The following KDM4C variants were observed in gnomAD, a reference collection of about 807,000 sequenced individuals.
KDM4C encodes lysine demethylase 4C, also known as lysine-specific demethylase 4C.
In KDM4C, 81 loss-of-function variants were observed where a neutral mutation model predicts 129.3. The observed-to-expected ratio is 0.63, with a 90% confidence interval of 0.52 to 0.75. The LOEUF (loss-of-function observed/expected upper bound fraction) is 0.75. KDM4C is among the 30% of genes least tolerant of loss of function. The pLI, the probability that KDM4C is intolerant of heterozygous loss-of-function variation, is 0.00. For synonymous variants in KDM4C, 573 were observed against 456.1 expected (o/e 1.26, Z -3.26); for missense variants, 1,457 against 1,304.0 (o/e 1.12, Z -1.81).
At chr9:6,722,043 A>G (rs1816971943) in intron 1 of KDM4C, among the ~76,000 whole-genome samples, 1 of 152,214 alleles carries the variant, frequency 6.6e-6, no homozygotes, top group Non-Finnish European at 1.5e-5. Context: ...TTTAAATCCA[A>G]TTAAAAATTA....
chr9:6,721,580 G>A (rs1341499353), intron 1 of KDM4C, among the ~76,000 whole-genome samples: 4 of 143,026 alleles, frequency 2.8e-5, no homozygotes, highest in Non-Finnish European at 6.0e-5. Flanking sequence ...CACCATGCCC[G>A]GCCCTCTTTT....
At chr9:6,789,578 C>T (rs1826147544) in intron 1 of KDM4C, among the ~76,000 whole-genome samples, 1 of 151,936 alleles carries the variant, frequency 6.6e-6, no homozygotes. Context: ...GTTGCCCAGG[C>T]TGGTCTCCAA....
At chr9:6,727,272 G>C (rs1817162783) in intron 1 of KDM4C, 1 of 151,582 alleles carries the variant, frequency 6.6e-6, no homozygotes, top group Non-Finnish European at 1.5e-5. Flanking sequence ...CCAACATGGA[G>C]AAACCCCGTC....
At chr9:6,923,852 G>T (rs1821990052) in intron 8 of KDM4C, among the ~76,000 whole-genome samples, 1 of 152,176 alleles carries the variant, frequency 6.6e-6, no homozygotes, top group African/African-American at 2.4e-5. Flanking sequence ...GGGGACCACT[G>T]TGTCTTCAGC....
At chr9:7,037,751 CA>C (rs1461950943) in intron 15 of KDM4C, among the ~76,000 whole-genome samples, 12 of 152,030 alleles carry the variant, frequency 7.9e-5, no homozygotes, top group African/African-American at 2.9e-4. Context: ...AAATATACAG[CA>C]GAATGGTTTT....
chr9:7,099,343 T>C (rs1349535180), intron 17 of KDM4C, among the ~76,000 whole-genome samples: 2 of 152,204 alleles, frequency 1.3e-5, no homozygotes, highest in African/African-American at 2.4e-5. Flanking sequence ...GGCTGGATGC[T>C]CAAGGAAATC....
chr9:7,050,114 A>G (rs1829939084), intron 17 of KDM4C, among the ~76,000 whole-genome samples: 1 of 151,978 alleles, frequency 6.6e-6, no homozygotes, highest in South Asian at 2.1e-4. Flanking sequence ...TCTTATAGGA[A>G]CTCACAGTCT....
chr9:6,987,229 A>G (rs991557503), intron 11 of KDM4C, among the ~76,000 whole-genome samples: 2 of 152,066 alleles, frequency 1.3e-5, no homozygotes, highest in African/African-American at 4.8e-5. Flanking sequence ...CTCTTTCCTC[A>G]TGGACCCTGA....
intron 19 of KDM4C, among the ~76,000 whole-genome samples, chr9:7,134,887 AAACC>A (rs1841025635): frequency 6.6e-6 from 1 of 152,204 alleles, no homozygotes; most frequent in Non-Finnish European, 1.5e-5. Flanking sequence ...TCAACTCTGT[AAACC>A]TTGTGCCTTT....
chr9:7,045,441 T>C (rs966917633), intron 15 of KDM4C, among the ~76,000 whole-genome samples: 3 of 152,072 alleles, frequency 2.0e-5, no homozygotes, highest in African/African-American at 7.2e-5. Context: ...CCTCTTTCTC[T>C]GTAGAAAGTG....
chr9:6,962,698 C>T (rs1029265442), intron 8 of KDM4C, among the ~76,000 whole-genome samples: 3 of 152,024 alleles, frequency 2.0e-5, no homozygotes, highest in African/African-American at 7.2e-5. Context: ...ACAACCCTGA[C>T]TCAGATTTAT....
At chr9:7,067,146 T>C (rs986361259) in intron 17 of KDM4C, among the ~76,000 whole-genome samples, 1 of 152,236 alleles carries the variant, frequency 6.6e-6, no homozygotes, top group Non-Finnish European at 1.5e-5. Flanking sequence ...TCAATTTAGC[T>C]GGGCAATCAC....
chr9:7,103,598 TCTCTAGTAGCTA>T, intron 17 of KDM4C, 75 bp from the exon 18 acceptor site: 1 of 976,174 alleles, frequency 1.0e-6, no homozygotes, highest in Non-Finnish European at 1.5e-6. Flanking sequence ...TTTTTTTTCT[TCTCTAGTAGCTA>T]TTGTTCTGTA....
intron 15 of KDM4C, among the ~76,000 whole-genome samples, chr9:7,025,825 AT>A (rs1422167407): frequency 6.6e-6 from 1 of 152,120 alleles, no homozygotes; most frequent in East Asian, 1.9e-4. Flanking sequence ...AATATGCTGC[AT>A]TTTTTTGTGT....
chr9:6,891,356 A>C (rs571606618), intron 7 of KDM4C, among the ~76,000 whole-genome samples: 1 of 152,234 alleles, frequency 6.6e-6, no homozygotes, highest in Non-Finnish European at 1.5e-5. Flanking sequence ...GGCACATGCT[A>C]CAACCTGGGT....
intron 8 of KDM4C, among the ~76,000 whole-genome samples, chr9:6,902,956 C>G (rs186453252): frequency 6.6e-6 from 1 of 152,276 alleles, no homozygotes; most frequent in East Asian, 1.9e-4. Flanking sequence ...CAGTGTAGCT[C>G]TTGTGCCCCT....
intron 8 of KDM4C, among the ~76,000 whole-genome samples, chr9:6,920,594 G>A (rs188217291): frequency 6.6e-6 from 1 of 151,948 alleles, no homozygotes; most frequent in Admixed American, 6.6e-5. Flanking sequence ...ATAGAAACTT[G>A]TATATCATCC....
At chr9:6,810,543 G>C (rs1187911821) in intron 3 of KDM4C, among the ~76,000 whole-genome samples, 3 of 152,000 alleles carry the variant, frequency 2.0e-5, no homozygotes, top group African/African-American at 7.3e-5. Flanking sequence ...GAAATTATTT[G>C]AAAAATTATT....
chr9:6,949,620 C>G (rs924339811), intron 8 of KDM4C, among the ~76,000 whole-genome samples: 1 of 152,266 alleles, frequency 6.6e-6, no homozygotes, highest in Non-Finnish European at 1.5e-5. Context: ...TGGCAGATCA[C>G]TCGCGGTTAG....
Sources: allele counts gnomAD v4.1 joint callset (sites outside exome capture counted in the v4.1 genomes callset), GRCh38; gene constraint gnomAD v4.1.1; transcripts MANE v1.5; gene names NCBI Gene and HGNC (gene_info 2026-07-23, HGNC 2026-07-21).